Variants in SFMBT2 observed in about 807,000 individuals in gnomAD.
SFMBT2 encodes Scm like with four mbt domains 2, also known as scm-like with four MBT domains protein 2.
In SFMBT2, 38 loss-of-function variants were observed where a neutral mutation model predicts 110.1. The ratio of observed to expected loss-of-function variants is 0.35; its 90% confidence interval spans 0.27 to 0.45. The LOEUF is 0.45. Ranked by LOEUF, SFMBT2 falls within the 20% of genes least tolerant of loss-of-function variation. SFMBT2 has a pLI of 1.00. For synonymous variants in SFMBT2, 425 were observed against 425.4 expected, an observed-to-expected ratio of 1.00 and a Z score of 0.01; for missense variants, 1,011 against 1,094.9, an observed-to-expected ratio of 0.92 and a Z score of 1.08.
At chr10:7,176,905 G>A (rs1010147241) in intron 16 of SFMBT2, among the ~76,000 whole-genome samples, 2 of 152,120 alleles carry the variant, frequency 1.3e-5, no homozygotes, top group African/African-American at 4.8e-5. Context: ...TGGATGAGTG[G>A]CAGTTAAAGG....
chr10:7,276,247 C>A (rs12243774), intron 7 of SFMBT2, among the ~76,000 whole-genome samples: 1 of 152,098 alleles, frequency 6.6e-6, no homozygotes, highest in Non-Finnish European at 1.5e-5. Flanking sequence ...TGAACCACCA[C>A]GAGATGAGTC....
chr10:7,301,075 T>TA lies in SFMBT2; in HGVS notation c.437-15122dup, dbSNP rs1469179545. Among the ~76,000 whole-genome samples the TA allele has an allele frequency of 1.3e-5, 2 of 151,704 alleles. No homozygotes were observed. Among genetic ancestry groups the TA allele is most frequent in the Non-Finnish European group, 2.9e-5 (2 of 67,904 alleles). On this transcript the variant is annotated intron_variant, in intron 4 of 20. Coordinates refer to ENST00000397167, the MANE Select transcript of SFMBT2 (RefSeq NM_001387889.1). This position sits in a 1 kb window ranked among gnomAD's most constrained non-coding sequence, Gnocchi z 4.2. ...GCAGGTAACTCAGTGAAGGAAGGAG[T>TA]AAACCCCAGATACCGTGGAAGCCCT...
intron 9 of SFMBT2, among the ~76,000 whole-genome samples, chr10:7,237,356 C>T (rs115219754): frequency 0.016 from 2,458 of 152,144 alleles, 73 homozygotes; most frequent in African/African-American, 0.055. Context: ...AATCTACATG[C>T]CCCAACATGG....
chr10:7,203,743 T>A, intron 12 of SFMBT2: 1 of 831,764 alleles, frequency 1.2e-6, no homozygotes, highest in Non-Finnish European at 1.4e-6. Flanking sequence ...CAGAGCGGAG[T>A]ATCGCTCTGT....
At chr10:7,197,324 C>A (rs1838807536) in intron 15 of SFMBT2, among the ~76,000 whole-genome samples, 1 of 152,140 alleles carries the variant, frequency 6.6e-6, no homozygotes, top group South Asian at 2.1e-4. Context: ...CGAGGGAAGG[C>A]AGATGTGTGT....
rs1317957097 is a variant in SFMBT2, at chr10:7,301,631, G to A, written c.437-15677C>T. ...CGCTGCCTCCACAGGACAAACCAGA[G>A]ACTGCAATGAGAGGGAGGAGCTGCA... On this transcript the variant is annotated intron_variant, in intron 4 of 20. Coordinates refer to ENST00000397167, the MANE Select transcript of SFMBT2 (RefSeq NM_001387889.1). The surrounding 1 kb of genome is among the most constrained non-coding windows in gnomAD (Gnocchi z 4.2). 4.0e-4 allele frequency among the ~76,000 whole-genome samples: 61 copies of A among 152,174 alleles called. No homozygotes were observed. The highest frequency in any genetic ancestry group is 3.9e-3 in the Admixed American group (60 of 15,282).
chr10:7,260,248 C>T (rs555464987), intron 7 of SFMBT2, among the ~76,000 whole-genome samples: 3 of 152,290 alleles, frequency 2.0e-5, no homozygotes, highest in South Asian at 4.1e-4. Flanking sequence ...CCTTCTCACA[C>T]AAAGACCAGA....
intron 4 of SFMBT2, among the ~76,000 whole-genome samples, chr10:7,340,700 G>A (rs1843871337): frequency 6.7e-6 from 1 of 148,768 alleles, no homozygotes; most frequent in African/African-American, 2.5e-5. Flanking sequence ...TAGCTTCTGA[G>A]TATCACTAGA....
chr10:7,337,783 G>A (rs1843761735), intron 4 of SFMBT2, among the ~76,000 whole-genome samples: 1 of 152,088 alleles, frequency 6.6e-6, no homozygotes, highest in South Asian at 2.1e-4. Flanking sequence ...CTTCTATCAG[G>A]CCCTCTGTAC....
At chr10:7,197,163 T>G (rs1441942578) in intron 15 of SFMBT2, among the ~76,000 whole-genome samples, 1 of 152,150 alleles carries the variant, frequency 6.6e-6, no homozygotes, top group Non-Finnish European at 1.5e-5. Context: ...TAACACCCTC[T>G]GCTGCCTCAT....
chr10:7,375,800 C>CACACACAA (rs1491315759), intron 2 of SFMBT2, among the ~76,000 whole-genome samples: 3 of 113,382 alleles, frequency 2.6e-5, no homozygotes, highest in South Asian at 6.7e-4. Context: ...CACACACACA[C>CACACACAA]AAATCACCTA....
chr10:7,163,632 A>G lies in SFMBT2; in HGVS notation c.*138T>C. On this transcript the variant is annotated 3_prime_UTR_variant, in exon 21 of 21. Coordinates refer to ENST00000397167, the MANE Select transcript of SFMBT2 (RefSeq NM_001387889.1). This position sits in a 1 kb window ranked among gnomAD's most constrained non-coding sequence, Gnocchi z 4.8. Reference sequence around the variant, plus strand: ...CAGCTCACAGGCTGGCGGAGGCAGAAGATCCTGGGCTTCTGGTTTTCTGGT... The same window carrying G: ...CAGCTCACAGGCTGGCGGAGGCAGAGGATCCTGGGCTTCTGGTTTTCTGGT... 1 of 742,014 alleles carries G rather than the reference A, an allele frequency of 1.3e-6. No homozygotes were observed. Among genetic ancestry groups the G allele is most frequent in the South Asian group, 1.9e-5 (1 of 53,174 alleles). The allele number at this position is 742,014 out of a possible 1,614,324, so 46.0% of individuals were successfully genotyped here. A position where few individuals can be genotyped will look rare whatever the true frequency, so the allele number is the denominator to read the frequency against.
At chr10:7,199,006 T>A (rs1838867015) in intron 14 of SFMBT2, among the ~76,000 whole-genome samples, 1 of 152,108 alleles carries the variant, frequency 6.6e-6, no homozygotes, top group Non-Finnish European at 1.5e-5. Flanking sequence ...TGAGACAGGG[T>A]CTCACTTTGT....
At chr10:7,267,015 G>A (rs1841415979) in intron 7 of SFMBT2, among the ~76,000 whole-genome samples, 1 of 152,202 alleles carries the variant, frequency 6.6e-6, no homozygotes, top group Admixed American at 6.5e-5. Flanking sequence ...GTGGTTTGCT[G>A]TGTCTAAACT....
At chr10:7,273,718 T>C (rs1841679519) in intron 7 of SFMBT2, among the ~76,000 whole-genome samples, 1 of 152,194 alleles carries the variant, frequency 6.6e-6, no homozygotes, top group Admixed American at 6.5e-5. Flanking sequence ...CATGCGGTGT[T>C]TGATTTTCTG....
At chr10:7,326,083 A>G (rs1843375429) in intron 4 of SFMBT2, among the ~76,000 whole-genome samples, 1 of 152,266 alleles carries the variant, frequency 6.6e-6, no homozygotes, top group South Asian at 2.1e-4. Context: ...CTGGATTGAA[A>G]TATCAACAGG....
At chr10:7,349,982 G>A (rs559145503) in intron 4 of SFMBT2, among the ~76,000 whole-genome samples, 11 of 152,178 alleles carry the variant, frequency 7.2e-5, no homozygotes, top group Non-Finnish European at 1.2e-4. Context: ...CCTCATAGGC[G>A]CATGCTGACA....
At chr10:7,382,568 C>A (rs1282387573) in intron 1 of SFMBT2, among the ~76,000 whole-genome samples, 1 of 152,124 alleles carries the variant, frequency 6.6e-6, no homozygotes, top group Non-Finnish European at 1.5e-5. Context: ...GCATTTCAGT[C>A]CTCGATCCAC....
chr10:7,399,173 C>A (rs1846004599), intron 1 of SFMBT2, among the ~76,000 whole-genome samples: 1 of 152,214 alleles, frequency 6.6e-6, no homozygotes, highest in Non-Finnish European at 1.5e-5. Flanking sequence ...TGCATTGTAG[C>A]TGGAGATTCC....
Sources: allele counts gnomAD v4.1 joint callset (sites outside exome capture counted in the v4.1 genomes callset), GRCh38; gene constraint gnomAD v4.1.1; non-coding constraint Gnocchi (gnomAD v3.1); transcripts MANE v1.5; gene names NCBI Gene and HGNC (gene_info 2026-07-23, HGNC 2026-07-21).